DLG2: variants seen among roughly 807,000 people sequenced by gnomAD.
DLG2 encodes disks large homolog 2.
Under a neutral mutation model 132.5 loss-of-function variants are expected in DLG2, and 45 were observed. The ratio of observed to expected loss-of-function variants is 0.34; its 90% confidence interval spans 0.27 to 0.44. The LOEUF (loss-of-function observed/expected upper bound fraction) is 0.44, where lower values mean the gene tolerates loss of function less well. Among genes scored for constraint, DLG2 ranks in the 20% least tolerant of loss-of-function variants. The pLI is 1.00. For missense variants in DLG2, 1,045 were observed against 1,196.9 expected, an observed-to-expected ratio of 0.87 and a Z score of 1.87; for synonymous variants, 424 against 419.6, an observed-to-expected ratio of 1.01 and a Z score of -0.13.
intron 6 of DLG2, among the ~76,000 whole-genome samples, chr11:84,722,762 C>T (rs2061977657): frequency 6.6e-6 from 1 of 152,172 alleles, no homozygotes; most frequent in Non-Finnish European, 1.5e-5. Context: ...AGTTGAGTTA[C>T]ACCTGGTTCT....
intron 6 of DLG2, among the ~76,000 whole-genome samples, chr11:84,670,576 G>A (rs2099704688): frequency 6.6e-6 from 1 of 152,064 alleles, no homozygotes; most frequent in South Asian, 2.1e-4. Flanking sequence ...ATTGCCTCTG[G>A]TGGCATAATA....
intron 18 of DLG2, among the ~76,000 whole-genome samples, chr11:83,664,629 C>A (rs934718460): frequency 6.6e-6 from 1 of 152,110 alleles, no homozygotes; most frequent in Non-Finnish European, 1.5e-5. Context: ...TAGTCTCTAG[C>A]TTGGTGCTTG....
intron 15 of DLG2, among the ~76,000 whole-genome samples, chr11:83,906,614 A>T (rs1039286821): frequency 2.6e-5 from 4 of 152,116 alleles, no homozygotes; most frequent in Admixed American, 6.6e-5. Context: ...CTTACTGTGT[A>T]GGCAATGCAA....
At chr11:84,421,215 T>C (rs1056128301) in intron 7 of DLG2, among the ~76,000 whole-genome samples, 3 of 152,178 alleles carry the variant, frequency 2.0e-5, no homozygotes, top group Non-Finnish European at 4.4e-5. Context: ...TGTCAGACTT[T>C]CCAGTTTCTA....
intron 11 of DLG2, among the ~76,000 whole-genome samples, chr11:84,041,036 G>T (rs1593795840): frequency 6.6e-6 from 1 of 151,616 alleles, no homozygotes; most frequent in Non-Finnish European, 1.5e-5. Context: ...TGTTGTTGGT[G>T]TATAAGAATG....
At chr11:83,784,072 G>C (rs544950036) in intron 18 of DLG2, among the ~76,000 whole-genome samples, 23 of 152,240 alleles carry the variant, frequency 1.5e-4, no homozygotes, top group African/African-American at 5.3e-4. Flanking sequence ...ATTTGATTAT[G>C]ACTGAAAAAT....
At chr11:84,605,237 T>C (rs1186631543) in intron 6 of DLG2, among the ~76,000 whole-genome samples, 2 of 151,988 alleles carry the variant, frequency 1.3e-5, no homozygotes, top group Non-Finnish European at 2.9e-5. Context: ...GATTGTTATG[T>C]ATGATCATTC....
At chr11:84,609,409 T>C (rs560406811) in intron 6 of DLG2, among the ~76,000 whole-genome samples, 1 of 152,250 alleles carries the variant, frequency 6.6e-6, no homozygotes, top group South Asian at 2.1e-4. Flanking sequence ...AGAGATACTA[T>C]CTTGTCTCAG....
Position 84,322,946 on chromosome 11 carries a change from T to C in DLG2, c.520-71655A>G, listed in dbSNP as rs149221390. On this transcript the variant is annotated intron_variant, in intron 7 of 27. Transcript: ENST00000376104. ...CAAAGAATATGAAGGCATGTAAATA[T>C]CTCCTCTAATTCCCTCGCAATCAAG... Among the ~76,000 whole-genome samples, 701 of 152,212 alleles carry C rather than the reference T, an allele frequency of 4.6e-3. 9 individuals are homozygous for C. Among genetic ancestry groups the C allele is most frequent in the African/African-American group, 0.016 (652 of 41,530 alleles).
chr11:85,142,898 G>A (rs563317895), intron 5 of DLG2, among the ~76,000 whole-genome samples: 31 of 151,856 alleles, frequency 2.0e-4, no homozygotes, highest in Admixed American at 1.8e-3. Flanking sequence ...ATCCCTGGAC[G>A]AATCTCACTT....
intron 16 of DLG2, among the ~76,000 whole-genome samples, chr11:83,839,373 GATTT>G (rs1468029122): frequency 2.0e-5 from 3 of 152,200 alleles, no homozygotes; most frequent in African/African-American, 7.2e-5. Flanking sequence ...CACTTCAAAT[GATTT>G]ATTTTTTCTA....
chr11:84,096,497 G>C (rs1212138875), intron 10 of DLG2, among the ~76,000 whole-genome samples: 1 of 152,070 alleles, frequency 6.6e-6, no homozygotes, highest in Non-Finnish European at 1.5e-5. Flanking sequence ...CTTAATTGTA[G>C]AGCAAACATA....
At chr11:84,298,938 G>A (rs983731491) in intron 7 of DLG2, among the ~76,000 whole-genome samples, 41 of 152,178 alleles carry the variant, frequency 2.7e-4, no homozygotes, top group Admixed American at 1.3e-3. Context: ...AACCTTGAAT[G>A]CTTTGCTAGG....
intron 6 of DLG2, among the ~76,000 whole-genome samples, chr11:84,642,065 C>CGT (rs1555124386): frequency 4.6e-4 from 64 of 138,210 alleles, no homozygotes; most frequent in East Asian, 4.5e-3. Context: ...TATACGCACG[C>CGT]GTGTGTGTGT....
At chr11:84,001,332 A>G (rs1332323745) in intron 11 of DLG2, among the ~76,000 whole-genome samples, 1 of 151,520 alleles carries the variant, frequency 6.6e-6, no homozygotes, top group Admixed American at 6.6e-5. Flanking sequence ...GTAAAAAAAA[A>G]AAAACAGTAA....
At chr11:84,114,842 T>TC (rs397976446) in intron 9 of DLG2, among the ~76,000 whole-genome samples, 1 of 149,588 alleles carries the variant, frequency 6.7e-6, no homozygotes, top group African/African-American at 2.4e-5. Context: ...TTTTTTTTTT[T>TC]CATTTTTTAT....
intron 7 of DLG2, among the ~76,000 whole-genome samples, chr11:84,277,964 G>T (rs1486721569): frequency 6.6e-6 from 1 of 151,588 alleles, no homozygotes; most frequent in Non-Finnish European, 1.5e-5. Context: ...TATGATCATG[G>T]CTCACTGAAG....
At chr11:83,460,267 C>A (rs2135964749) in intron 27 of DLG2, among the ~76,000 whole-genome samples, 1 of 152,238 alleles carries the variant, frequency 6.6e-6, no homozygotes, top group Middle Eastern at 3.4e-3. Context: ...GGGCAATGAT[C>A]AATTTTCAGA....
intron 3 of DLG2, among the ~76,000 whole-genome samples, chr11:85,488,173 G>A (rs892893275): frequency 2.6e-4 from 40 of 152,258 alleles, no homozygotes; most frequent in East Asian, 1.4e-3. Flanking sequence ...GGCGGATCAC[G>A]AGGTCAGGAG....
Sources: gnomAD v4.1 joint callset for allele counts (sites outside exome capture counted in the v4.1 genomes callset) on GRCh38, gnomAD v4.1.1 for gene constraint, MANE v1.5 for transcripts, NCBI Gene and HGNC (gene_info 2026-07-23, HGNC 2026-07-21) for gene names.